The following TULP4 variants were observed in gnomAD, a reference collection of about 807,000 sequenced individuals.
The protein encoded by TULP4 is TUB like protein 4.
A neutral mutation model predicts 129.0 loss-of-function variants in TULP4; 16 were observed. The ratio of observed to expected loss-of-function variants is 0.12; its 90% CI spans 0.08 to 0.19. The LOEUF (loss-of-function observed/expected upper bound fraction) is 0.19, where lower values mean the gene tolerates loss of function less well. TULP4 is among the 10% of genes least tolerant of loss of function. TULP4 has a pLI of 1.00. For missense variants in TULP4, 1,842 were observed against 2,059.1 expected (o/e 0.89, Z 2.04); for synonymous variants, 998 against 854.0 (o/e 1.17, Z -2.94).
intron 1 of TULP4, among the ~76,000 whole-genome samples, chr6:158,383,709 A>G (rs1424864442): frequency 2.6e-5 from 4 of 152,222 alleles, no homozygotes; most frequent in Non-Finnish European, 5.9e-5. Context: ...GAGCCTGGCT[A>G]AAAACCTGGG....
intron 1 of TULP4, among the ~76,000 whole-genome samples, chr6:158,404,258 C>T (rs1255821211): frequency 6.6e-6 from 1 of 152,182 alleles, no homozygotes; most frequent in Non-Finnish European, 1.5e-5. Flanking sequence ...AAGATCCTGA[C>T]TTCTGCAGAA....
At chr6:158,275,622 A>G (rs1426274867) in intron 1 of TULP4, among the ~76,000 whole-genome samples, 1 of 152,230 alleles carries the variant, frequency 6.6e-6, no homozygotes, top group Non-Finnish European at 1.5e-5. Context: ...CTTGATGTAC[A>G]TAACTACACT....
chr6:158,504,227 C>T (rs1295811420), intron 13 of TULP4, 49 bp downstream of exon 13: 1 of 1,426,016 alleles, frequency 7.0e-7, no homozygotes, highest in African/African-American at 1.4e-5. Context: ...GCGAGGGTTT[C>T]AGTGCTTCGG....
At chr6:158,440,205 C>T (rs1778855250) in intron 3 of TULP4, among the ~76,000 whole-genome samples, 1 of 150,274 alleles carries the variant, frequency 6.7e-6, no homozygotes, top group Non-Finnish European at 1.5e-5. Context: ...ATAGTCTCAG[C>T]TACTGGGGAG....
intron 1 of TULP4, among the ~76,000 whole-genome samples, chr6:158,406,136 C>T (rs1272024335): frequency 6.6e-6 from 1 of 152,148 alleles, no homozygotes; most frequent in Non-Finnish European, 1.5e-5. Flanking sequence ...CAGGTGACAG[C>T]TTGGTTAACA....
chr6:158,356,050 T>C (rs1291829195), intron 1 of TULP4, among the ~76,000 whole-genome samples: 1 of 152,240 alleles, frequency 6.6e-6, no homozygotes, highest in Non-Finnish European at 1.5e-5. Context: ...GATGTATAAA[T>C]GTGTCAAAAT....
chr6:158,249,995 G>A (rs528606402), intron 1 of TULP4, among the ~76,000 whole-genome samples: 46 of 152,022 alleles, frequency 3.0e-4, no homozygotes, highest in Middle Eastern at 3.4e-3. Context: ...TTTTTGAGAC[G>A]GAGTCTTGCT....
rs1291686473 is a variant in TULP4 at position 158,434,790 on chromosome 6, C to T, written c.543+4893C>T. On this transcript the variant is annotated intron_variant, in intron 3 of 13. Coordinates refer to ENST00000367097, the MANE Select transcript of TULP4 (RefSeq NM_020245.5). ...CATGCTGAGTGTGGTCCTCCTAGGG[C>T]GGTGACCAGCTGATGTGCCTGAGGC... Among the ~76,000 whole-genome samples the T allele has an allele frequency of 2.0e-5, 3 of 152,236 alleles. No individual in the cohort carries two copies. In the South Asian group the frequency reaches 6.2e-4, roughly 32 times the overall value.
chr6:158,384,525 T>C (rs1365508286), intron 1 of TULP4, among the ~76,000 whole-genome samples: 2 of 152,144 alleles, frequency 1.3e-5, no homozygotes, highest in Admixed American at 6.5e-5. Flanking sequence ...CCTGACCTCA[T>C]GATCCACCCT....
intron 1 of TULP4, among the ~76,000 whole-genome samples, chr6:158,410,870 C>G (rs1435278261): frequency 1.3e-5 from 2 of 152,222 alleles, no homozygotes; most frequent in Non-Finnish European, 2.9e-5. Context: ...TGAGCCCCCT[C>G]CTTTGTCTGT....
chr6:158,419,047 A>G (rs1217207871), intron 2 of TULP4, among the ~76,000 whole-genome samples: 1 of 152,186 alleles, frequency 6.6e-6, no homozygotes, highest in East Asian at 1.9e-4. Flanking sequence ...TCTGAAAAAC[A>G]TTGTTTTATG....
At chr6:158,430,095 A>G (rs143284947) in intron 3 of TULP4, among the ~76,000 whole-genome samples, 198 bp downstream of exon 3, 7 of 152,368 alleles carry the variant, frequency 4.6e-5, no homozygotes, top group Non-Finnish European at 1.0e-4. Context: ...TTTCCCACCA[A>G]TATGGTAACA....
chr6:158,245,275 G>T (rs2128448773), intron 1 of TULP4, among the ~76,000 whole-genome samples: 1 of 151,958 alleles, frequency 6.6e-6, no homozygotes, highest in South Asian at 2.1e-4. Context: ...GGTTACAGGT[G>T]TGAGCCACCG....
chr6:158,272,575 A>G (rs923147647), intron 1 of TULP4, among the ~76,000 whole-genome samples: 1 of 152,166 alleles, frequency 6.6e-6, no homozygotes, highest in Non-Finnish European at 1.5e-5. Flanking sequence ...CAATTAACTC[A>G]CTGAAATCCC....
upstream of TULP4, among the ~76,000 whole-genome samples, chr6:158,308,581 G>A (rs939451731): frequency 6.6e-6 from 1 of 151,900 alleles, no homozygotes; most frequent in Admixed American, 6.5e-5. Flanking sequence ...GGGGTGGCCG[G>A]GCAGAGGTGC....
At chr6:158,398,265 C>CAGTCATTAGT (rs1485823371) in intron 1 of TULP4, among the ~76,000 whole-genome samples, 2 of 152,210 alleles carry the variant, frequency 1.3e-5, no homozygotes, top group Non-Finnish European at 2.9e-5. Flanking sequence ...TTGGAACCCA[C>CAGTCATTAGT]AGTCATTAGT....
At chr6:158,439,029 G>A (rs950166067) in intron 3 of TULP4, among the ~76,000 whole-genome samples, 1 of 151,986 alleles carries the variant, frequency 6.6e-6, no homozygotes, top group African/African-American at 2.4e-5. Flanking sequence ...AAATTAGCAG[G>A]GTGTGGTGGC....
At chr6:158,333,334 G>A (rs534127988) in intron 1 of TULP4, among the ~76,000 whole-genome samples, 4 of 152,300 alleles carry the variant, frequency 2.6e-5, no homozygotes, top group African/African-American at 2.4e-5. Context: ...GAGCTTGCGC[G>A]AAGAAGAGGT....
At chr6:158,427,470 CCTTTTTTTTTTTTTTTTTTT>C (rs1778523959) in intron 2 of TULP4, among the ~76,000 whole-genome samples, 2 of 100,678 alleles carry the variant, frequency 2.0e-5, no homozygotes, top group African/African-American at 4.5e-5. Flanking sequence ...AATTATCAGA[CCTTTTTTTTTTTTTTTTTTT>C]TTTTTTTTTT....
Sources: allele counts gnomAD v4.1 joint callset (sites outside exome capture counted in the v4.1 genomes callset), GRCh38; gene constraint gnomAD v4.1.1; transcripts MANE v1.5; gene names NCBI Gene and HGNC (gene_info 2026-07-23, HGNC 2026-07-21).